LARP4: variants seen among roughly 807,000 people sequenced by gnomAD.
LARP4 encodes the protein la-related protein 4.
Under a neutral mutation model 92.9 loss-of-function variants are expected in LARP4, and 29 were observed. The ratio of observed to expected loss-of-function variants is 0.31; its 90% CI spans 0.23 to 0.43. The LOEUF is 0.43. Among genes scored for constraint, LARP4 ranks in the 20% least tolerant of loss-of-function variants. The pLI is 1.00. For missense variants in LARP4, 732 were observed against 860.0 expected, an observed-to-expected ratio of 0.85 and a Z score of 1.86; for synonymous variants, 279 against 284.1, an observed-to-expected ratio of 0.98 and a Z score of 0.18.
chr12:50,476,947 T>C lies in LARP4; in HGVS notation c.*1083T>C, dbSNP rs540333582. 1.6e-4 allele frequency: 24 copies of C among 152,416 alleles called. No homozygotes were observed. The highest frequency in any genetic ancestry group is 5.5e-4 in the African/African-American group (23 of 41,576). 9.4% of individuals were successfully genotyped at this position (152,416 alleles called of 1,614,324 possible). A position where few individuals can be genotyped will look rare whatever the true frequency, so the allele number is the denominator to read the frequency against. On this transcript the variant is annotated 3_prime_UTR_variant, in exon 16 of 16. Transcript: ENST00000398473. ...GTAGGGCAGACTGACCGTACAGTAA[T>C]TTATTTGTCGTTAGTGTTAAAGATT...
chr12:50,418,943 A>C (rs1018572432), intron 1 of LARP4, among the ~76,000 whole-genome samples: 1 of 152,080 alleles, frequency 6.6e-6, no homozygotes, highest in Non-Finnish European at 1.5e-5. Context: ...CTGGTCTTGA[A>C]CTTGTAGTTT....
rs1171691480 is a variant in LARP4 at position 50,477,117 on chromosome 12, TAC to T, written c.*1255_*1256del. 6.6e-6 allele frequency: 1 copy of T among 152,518 alleles called. No homozygotes were observed. Among genetic ancestry groups the T allele is most frequent in the Non-Finnish European group, 1.5e-5 (1 of 67,994 alleles). The allele number at this position is 152,518 out of a possible 1,614,324, so 9.4% of individuals were successfully genotyped here. On this transcript the variant is annotated 3_prime_UTR_variant, in exon 16 of 16. Coordinates refer to ENST00000398473, the MANE Select transcript of LARP4 (RefSeq NM_052879.5). ...TCTTCTCCCCCCACACCCAACAAAATACAGTTTGGAATTCACTGAAACAGTAC... is the reference window on the plus strand; with the variant it reads ...TCTTCTCCCCCCACACCCAACAAAATAGTTTGGAATTCACTGAAACAGTAC...
In LARP4 at chr12:50,437,862, A is replaced by T. The variant is rs762326838; in HGVS notation, c.639+24A>T. Reference sequence around the variant, plus strand: ...AGGTAAATTATTAATAATTGTTAACACTAAATGTTCTCTGTTTAAATTAAA... The same window carrying T: ...AGGTAAATTATTAATAATTGTTAACTCTAAATGTTCTCTGTTTAAATTAAA... On this transcript the variant is annotated intron_variant, in intron 6 of 15. Transcript: ENST00000398473. 4 of 1,373,894 alleles carry T rather than the reference A, an allele frequency of 2.9e-6. No homozygotes were observed. In the Admixed American group the frequency reaches 7.4e-5, roughly 25 times the overall value. The allele number at this position is 1,373,894 out of a possible 1,614,324, so 85.1% of individuals were successfully genotyped here. A position where few individuals can be genotyped will look rare whatever the true frequency, so the allele number is the denominator to read the frequency against.
intron 1 of LARP4, among the ~76,000 whole-genome samples, chr12:50,421,678 A>G (rs543718553): frequency 6.8e-6 from 1 of 146,586 alleles, no homozygotes; most frequent in Non-Finnish European, 1.5e-5. Flanking sequence ...AAATAAATAA[A>G]TAAATAAATA....
intron 10 of LARP4, 67 bp downstream of exon 10, chr12:50,454,484 C>G (rs1318926466): frequency 8.4e-7 from 1 of 1,192,724 alleles, no homozygotes; most frequent in East Asian, 2.4e-5. Context: ...GCATTAATAG[C>G]AATGTTTGTT....
chr12:50,461,195 C>T lies in LARP4; in HGVS notation c.1182C>T (p.Ser394=). The T allele has an allele frequency of 6.2e-7, 1 of 1,613,980 alleles. No homozygotes were observed. Among genetic ancestry groups the T allele is most frequent in the South Asian group, 1.1e-5 (1 of 91,078 alleles). The change falls in exon 11 of 16, where the codon TCC becomes TCT. Residue 394 remains serine, a synonymous_variant. Coordinates refer to ENST00000398473, the MANE Select transcript of LARP4 (RefSeq NM_052879.5). ...AACACTCAACAGAGGGCTCTGTATC[C>T]TTGGGGGATGGACAGTTGAACAGAT... ...GSEHSTEGSV[S]LGDGQLNRYS...
At chr12:50,412,451 T>C in intron 1 of LARP4, 1 of 970,592 alleles carries the variant, frequency 1.0e-6, no homozygotes, top group East Asian at 1.1e-4. Flanking sequence ...TGATAGTAAA[T>C]AGGTAAGTAA....
At chr12:50,438,492 C>A (rs1390933661) in intron 6 of LARP4, among the ~76,000 whole-genome samples, 100 of 139,820 alleles carry the variant, frequency 7.2e-4, no homozygotes, top group Non-Finnish European at 7.2e-4. Context: ...CTCTTTGTCT[C>A]AAAAAAAAAA....
At chr12:50,440,042 A>G (rs532707710) in intron 6 of LARP4, among the ~76,000 whole-genome samples, 2 of 152,372 alleles carry the variant, frequency 1.3e-5, no homozygotes, top group Non-Finnish European at 2.9e-5. Context: ...CCAGGCAGGA[A>G]AAGGACAGGG....
chr12:50,418,027 AT>A (rs1947138824), intron 1 of LARP4, among the ~76,000 whole-genome samples: 1 of 152,132 alleles, frequency 6.6e-6, no homozygotes. Context: ...CGCCCGGCTA[AT>A]TTTTGTATTT....
At chr12:50,466,643 G>A (rs1593415103) in intron 12 of LARP4, among the ~76,000 whole-genome samples, 1 of 152,076 alleles carries the variant, frequency 6.6e-6, no homozygotes, top group East Asian at 1.9e-4. Context: ...GCAAATTTAG[G>A]TAAAGTGGGT....
intron 8 of LARP4, among the ~76,000 whole-genome samples, chr12:50,450,173 G>A (rs1004602016): frequency 4.6e-5 from 7 of 151,666 alleles, no homozygotes; most frequent in African/African-American, 1.5e-4. Flanking sequence ...CTCGTGATCC[G>A]CCCGCCTCAG....
At chr12:50,435,727 A>C in intron 5 of LARP4, 103 bp downstream of exon 5, 1 of 745,428 alleles carries the variant, frequency 1.3e-6, no homozygotes, top group Non-Finnish European at 2.1e-6. Flanking sequence ...CCCTCCCCAC[A>C]CCCTTATTTT....
chr12:50,424,295 C>T (rs1309329049), intron 1 of LARP4, among the ~76,000 whole-genome samples: 1 of 151,238 alleles, frequency 6.6e-6, no homozygotes, highest in Non-Finnish European at 1.5e-5. Flanking sequence ...ATTTGAACCC[C>T]GGAGTTTGAG....
chr12:50,461,332 ACTAT>A lies in LARP4; in HGVS notation c.1320_1323del (p.Asp440GlufsTer40), dbSNP rs1955342890. 1.2e-6 allele frequency: 2 copies of A among 1,613,968 alleles called. No individual in the cohort carries two copies. The highest frequency in any genetic ancestry group is 3.3e-5 in the Admixed American group (2 of 59,956). ...ACTTTGCAGGTGGAACAGAATGGGG[ACTAT>A]GGTAGGGGCAGGTAAGAAAATAAAG... On this transcript the variant is annotated frameshift_variant, in exon 11 of 16. Coordinates refer to ENST00000398473, the MANE Select transcript of LARP4 (RefSeq NM_052879.5). LOFTEE classifies it high-confidence loss of function.
At chr12:50,438,887 G>A (rs1343710730) in intron 6 of LARP4, among the ~76,000 whole-genome samples, 1 of 152,124 alleles carries the variant, frequency 6.6e-6, no homozygotes, top group Non-Finnish European at 1.5e-5. Context: ...AAGAAGATGA[G>A]GATAATTAGT....
At position 50,476,338 on chromosome 12, in the gene LARP4, C is replaced by G. The variant is rs745368407; in HGVS notation, c.*474C>G. The G allele has an allele frequency of 6.5e-6, 1 of 152,754 alleles. No homozygotes were observed. The allele number at this position is 152,754 out of a possible 1,614,324, so 9.5% of individuals were successfully genotyped here. ...TTGGCTTGAAGAATGCCATCTCTGA[C>G]TATATGGCCTTGTATTGCAAAGCGG... On this transcript the variant is annotated 3_prime_UTR_variant, in exon 16 of 16. Coordinates refer to ENST00000398473, the MANE Select transcript of LARP4 (RefSeq NM_052879.5).
chr12:50,431,801 A>T (rs1257140971), intron 4 of LARP4, among the ~76,000 whole-genome samples: 1 of 152,160 alleles, frequency 6.6e-6, no homozygotes, highest in Non-Finnish European at 1.5e-5. Flanking sequence ...AGCTGAGGTT[A>T]TTCCTGGGCT....
At chr12:50,406,727 G>GT (rs1422361856) in intron 1 of LARP4, among the ~76,000 whole-genome samples, 2 of 151,810 alleles carry the variant, frequency 1.3e-5, no homozygotes, top group African/African-American at 2.4e-5. Context: ...ACAGTTTTTT[G>GT]TTTTTTTGAG....
Sources: gnomAD v4.1 joint callset for allele counts (sites outside exome capture counted in the v4.1 genomes callset) on GRCh38, gnomAD v4.1.1 for gene constraint, MANE v1.5 for transcripts, NCBI Gene and HGNC (gene_info 2026-07-23, HGNC 2026-07-21) for gene names.